Variants in SHROOM1 observed in about 807,000 individuals in gnomAD.
The protein encoded by SHROOM1 is shroom family member 1, also known as protein Shroom1.
Under a neutral mutation model 64.2 loss-of-function variants are expected in SHROOM1, and 53 were observed. The observed-to-expected ratio is 0.83, with a 90% CI of 0.66 to 1.04. SHROOM1 has a LOEUF of 1.04. Ranked by LOEUF, SHROOM1 falls within the 50% of genes least tolerant of loss-of-function variation. SHROOM1 has a pLI of 0.00. For synonymous variants in SHROOM1, 490 were observed against 518.9 expected, an observed-to-expected ratio of 0.94 and a Z score of 0.76; for missense variants, 1,179 against 1,163.2, an observed-to-expected ratio of 1.01 and a Z score of -0.20.
rs1224893293 is a variant in SHROOM1, at chr5:132,823,055, G to T, written c.2300C>A (p.Ala767Glu). 2 of 1,596,678 alleles carry T rather than the reference G, an allele frequency of 1.3e-6. No individual in the cohort carries two copies. The highest frequency in any genetic ancestry group is 8.5e-7 in the Non-Finnish European group (1 of 1,178,260). The part of the protein sequence containing the change: ...EDAKELKEHV[A>E]RRERAVREVL... ...CTCCCGCACGGCCCGCTCGCGCCGC[G>T]CTACGTGCTCCTTCAGCTCCTTGGC... is the stretch of plus-strand genomic sequence containing the variant. The change falls in exon 10 of 10, where the codon GCG (alanine) becomes GAG (glutamate). Residue 767 changes from alanine to glutamate, a missense_variant. Coordinates refer to ENST00000378679, the MANE Select transcript of SHROOM1 (RefSeq NM_001172700.2). This position sits in a 1 kb window ranked among gnomAD's most constrained non-coding sequence, Gnocchi z 4.6.
intron 5 of SHROOM1, 82 bp downstream of exon 5, chr5:132,824,936 T>C: frequency 2.5e-6 from 4 of 1,602,152 alleles, no homozygotes; most frequent in Non-Finnish European, 3.4e-6. Flanking sequence ...TGAGGGTAGG[T>C]AGGAAGCCCT....
chr5:132,830,514 G>C lies in SHROOM1; in HGVS notation c.-501+80C>G, dbSNP rs565613729. 4.3e-3 allele frequency: 4,269 copies of C among 984,280 alleles called. 23 individuals carry two copies. Among genetic ancestry groups the C allele is most frequent in the Middle Eastern group, 0.024 (45 of 1,904 alleles). The allele number at this position is 984,280 out of a possible 1,614,324, so 61.0% of individuals were successfully genotyped here. A position where few individuals can be genotyped will look rare whatever the true frequency, so the allele number is the denominator to read the frequency against. Reference sequence around the variant, plus strand: ...GCCTCGCCGCCCGCTCTTCACCCCCGTCCGCCCGCAGCCCCGCCGGCCTCC... The same window carrying C: ...GCCTCGCCGCCCGCTCTTCACCCCCCTCCGCCCGCAGCCCCGCCGGCCTCC... On this transcript the variant is annotated intron_variant, in intron 1 of 9. Transcript: ENST00000378679. This position sits in a 1 kb window ranked among gnomAD's most constrained non-coding sequence, Gnocchi z 5.9.
At chr5:132,827,854 C>T (rs1044706805) in intron 1 of SHROOM1, among the ~76,000 whole-genome samples, 2 of 152,072 alleles carry the variant, frequency 1.3e-5, no homozygotes, top group African/African-American at 2.4e-5. Flanking sequence ...ATATTAGGTA[C>T]GAACAGAGCA....
At position 132,823,151 on chromosome 5, in the gene SHROOM1, C is replaced by T. The variant is rs1471454662; in HGVS notation, c.2227-23G>A. 6 of 1,545,232 alleles carry T rather than the reference C, an allele frequency of 3.9e-6. No individual in the cohort carries two copies. In the South Asian group the frequency reaches 6.1e-5, roughly 16 times the overall value. On this transcript the variant is annotated intron_variant, in intron 9 of 9. Coordinates refer to ENST00000378679, the MANE Select transcript of SHROOM1 (RefSeq NM_001172700.2). This position sits in a 1 kb window ranked among gnomAD's most constrained non-coding sequence, Gnocchi z 4.6. ...GGCCTTGAGCCGCAGGAAGAGGCGC[C>T]GTGAGCCGGGTGAGGGCGCCGCCGC...
chr5:132,825,810 C>T lies in SHROOM1; in HGVS notation c.331G>A (p.Ala111Thr). 8.0e-7 allele frequency: 1 copy of T among 1,251,298 alleles called. No homozygotes were observed. The highest frequency in any genetic ancestry group is 1.0e-6 in the Non-Finnish European group (1 of 999,606). 77.5% of individuals were successfully genotyped at this position (1,251,298 alleles called of 1,614,324 possible). Residue 111 changes from alanine to threonine, a missense_variant, in exon 4 of 10, where the codon GCC (alanine) becomes ACC (threonine). Physicochemically the swap from Ala to Thr is moderately conservative, Grantham distance 58. Transcript: ENST00000378679. The surrounding 1 kb of genome is among the most constrained non-coding windows in gnomAD (Gnocchi z 5.1). ...GCCAGCGCGTACAGCAGCGGGGTGG[C>T]CTGCCTGTTCAGTGGTCCCGGGGTC... is the stretch of plus-strand genomic sequence containing the variant. ...PGTPGPLNRQ[A>T]TPLLYALAAE...
rs1207643765 is a variant in SHROOM1, at chr5:132,823,567, G to GCCCAGGCTCTGGGCTCCTACCCACC, written c.1953+31_1954-46dup. The GCCCAGGCTCTGGGCTCCTACCCACC allele has an allele frequency of 1.8e-5, 29 of 1,569,224 alleles. No individual in the cohort carries two copies. The highest frequency in any genetic ancestry group is 2.5e-5 in the Non-Finnish European group (29 of 1,154,352). On this transcript the variant is annotated intron_variant, in intron 8 of 9. Coordinates refer to ENST00000378679, the MANE Select transcript of SHROOM1 (RefSeq NM_001172700.2). This position sits in a 1 kb window ranked among gnomAD's most constrained non-coding sequence, Gnocchi z 4.6. Reference sequence around the variant, plus strand: ...CTGGGGCCAGGCTCATGACTTCCCTGCCCAGGCTCTGGGCTCCTACCCACC... The same window carrying GCCCAGGCTCTGGGCTCCTACCCACC: ...CTGGGGCCAGGCTCATGACTTCCCTGCCCAGGCTCTGGGCTCCTACCCACCCCCAGGCTCTGGGCTCCTACCCACC...
At chr5:132,824,589 G>C in intron 6 of SHROOM1, 26 bp downstream of exon 6, 1 of 1,596,186 alleles carries the variant, frequency 6.3e-7, no homozygotes, top group Non-Finnish European at 8.6e-7. Context: ...GGTGCCTCAC[G>C]ATGCTTGGAA....
rs371147941 is a variant in SHROOM1 at position 132,825,140 on chromosome 5, C to A, written c.978+23G>T. On this transcript the variant is annotated intron_variant, in intron 4 of 9. Coordinates refer to ENST00000378679, the MANE Select transcript of SHROOM1 (RefSeq NM_001172700.2). This position sits in a 1 kb window ranked among gnomAD's most constrained non-coding sequence, Gnocchi z 5.1. Reference sequence around the variant, plus strand: ...GTTTCCCAGATGCTCCCCTCACCAGCCTGCATCTCCTGACTTCCATACCTG... The same window carrying A: ...GTTTCCCAGATGCTCCCCTCACCAGACTGCATCTCCTGACTTCCATACCTG... 3 of 1,614,130 alleles carry A rather than the reference C, an allele frequency of 1.9e-6. No homozygotes were observed. Among genetic ancestry groups the A allele is most frequent in the Non-Finnish European group, 2.5e-6 (3 of 1,180,014 alleles).
Position 132,830,081 on chromosome 5 carries a change from C to T in SHROOM1, c.-501+513G>A, listed in dbSNP as rs1334778701. Reference sequence around the variant, plus strand: ...GCACGGGAGGGAGAGAGGCGCAGGCCCCGGCGGCCGCAGGGGGCGGCAGAG... The same window carrying T: ...GCACGGGAGGGAGAGAGGCGCAGGCTCCGGCGGCCGCAGGGGGCGGCAGAG... On this transcript the variant is annotated intron_variant, in intron 1 of 9. Transcript: ENST00000378679. The surrounding 1 kb of genome is among the most constrained non-coding windows in gnomAD (Gnocchi z 5.9). 1 of 985,206 alleles carries T rather than the reference C, an allele frequency of 1.0e-6. No individual in the cohort carries two copies. The highest frequency in any genetic ancestry group is 6.1e-5 in the Admixed American group (1 of 16,262). 61.0% of individuals were successfully genotyped at this position (985,206 alleles called of 1,614,324 possible).
rs749355459 is a variant in SHROOM1, at chr5:132,824,399, G to A, written c.1262C>T (p.Pro421Leu). 2.7e-5 allele frequency: 42 copies of A among 1,554,256 alleles called. No homozygotes were observed. The highest frequency in any genetic ancestry group is 1.9e-4 in the Admixed American group (10 of 52,100). The change falls in exon 7 of 10, where the codon CCG (proline) becomes CTG (leucine). Residue 421 changes from proline (P) to leucine (L), a missense_variant. By Grantham distance (98) the Pro-to-Leu change is moderately conservative. Coordinates refer to ENST00000378679, the MANE Select transcript of SHROOM1 (RefSeq NM_001172700.2). ...TCTTTGGCCTAAGCCAGTTCCATAC[G>A]GCTGGTCAGAGGCATGGACACTGGA... is the stretch of plus-strand genomic sequence containing the variant. ...PPASVHASDQ[P>L]YGTGLGQRTG... is the part of the protein sequence containing the mutation.
At position 132,822,612 on chromosome 5, in the gene SHROOM1, C is replaced by T; in HGVS notation, c.*184G>A. The T allele has an allele frequency of 1.6e-6, 1 of 624,708 alleles. No homozygotes were observed. Among genetic ancestry groups the T allele is most frequent in the Non-Finnish European group, 2.7e-6 (1 of 367,156 alleles). 38.7% of individuals were successfully genotyped at this position (624,708 alleles called of 1,614,324 possible). A position where few individuals can be genotyped will look rare whatever the true frequency, so the allele number is the denominator to read the frequency against. ...TCTCCTGACCTTGTGATCCGCCCGC[C>T]TCGGCCTCCCAAAGTGCTGGGATTA... On this transcript the variant is annotated 3_prime_UTR_variant, in exon 10 of 10. Transcript: ENST00000378679.
In SHROOM1 at chr5:132,822,672, T is replaced by A; in HGVS notation, c.*124A>T. 2.5e-6 allele frequency: 3 copies of A among 1,192,032 alleles called. No homozygotes were observed. Among genetic ancestry groups the A allele is most frequent in the Non-Finnish European group, 3.5e-6 (3 of 866,394 alleles). 73.8% of individuals were successfully genotyped at this position (1,192,032 alleles called of 1,614,324 possible). A position where few individuals can be genotyped will look rare whatever the true frequency, so the allele number is the denominator to read the frequency against. On this transcript the variant is annotated 3_prime_UTR_variant, in exon 10 of 10. Coordinates refer to ENST00000378679, the MANE Select transcript of SHROOM1 (RefSeq NM_001172700.2). ...GCCACCGCGCCCGGCTGGAGGAGTA[T>A]CTTAGAAAGGCCTGGACTGGGTCCT...
chr5:132,825,359 T>C lies in SHROOM1; in HGVS notation c.782A>G (p.Gln261Arg), dbSNP rs754352150. Residue 261 changes from glutamine to arginine, a missense_variant, in exon 4 of 10, where the codon CAG (glutamine) becomes CGG (arginine). Transcript: ENST00000378679. The surrounding 1 kb of genome is among the most constrained non-coding windows in gnomAD (Gnocchi z 5.1). ...TTCAAACTTAGCCAGCGCCGGATGCTGGAACTCCAAGGGCTCGGGCCCAGG... is the reference window on the plus strand; with the variant it reads ...TTCAAACTTAGCCAGCGCCGGATGCCGGAACTCCAAGGGCTCGGGCCCAGG... Reference protein sequence around the residue: ...GLPGPEPLEFQHPALAKFEDH... With the variant: ...GLPGPEPLEFRHPALAKFEDH... 2 of 1,600,282 alleles carry C rather than the reference T, an allele frequency of 1.2e-6. No homozygotes were observed. The highest frequency in any genetic ancestry group is 4.5e-5 in the East Asian group (2 of 44,764).
chr5:132,823,716 C>T lies in SHROOM1; in HGVS notation c.1860G>A (p.Glu620=). 1 of 1,611,098 alleles carries T rather than the reference C, an allele frequency of 6.2e-7. No individual in the cohort carries two copies. Among genetic ancestry groups the T allele is most frequent in the Non-Finnish European group, 8.5e-7 (1 of 1,178,714 alleles). ...GGGTGGCAGGGTTTTCAAGCCTTGT[C>T]TCCTCCCGAGGAGCCGGCAGGAGCT... ...FTQLLPAPRE[E]TRLENPATHP... is the part of the protein sequence containing the mutation. The change falls in exon 8 of 10, where the codon GAG becomes GAA. Residue 620 remains glutamate, a synonymous_variant. Transcript: ENST00000378679. This position sits in a 1 kb window ranked among gnomAD's most constrained non-coding sequence, Gnocchi z 4.6.
At chr5:132,829,734 C>G in intron 1 of SHROOM1, 1 of 985,436 alleles carries the variant, frequency 1.0e-6, no homozygotes, top group Non-Finnish European at 1.2e-6. Flanking sequence ...TTCCTGGGTA[C>G]TGGACCACGT....
chr5:132,825,457 C>G lies in SHROOM1; in HGVS notation c.684G>C (p.Lys228Asn). 1.3e-6 allele frequency: 2 copies of G among 1,576,768 alleles called. No homozygotes were observed. Among genetic ancestry groups the G allele is most frequent in the Non-Finnish European group, 1.7e-6 (2 of 1,166,342 alleles). ...QRKWCFSEPGKLDRVGRGGGP... is the reference protein window; with the variant it reads ...QRKWCFSEPGNLDRVGRGGGP... Reference sequence around the variant, plus strand: ...CACCGCCCCGACCCACACGATCCAGCTTTCCTGGCTCTGAGAAGCACCACT... The same window carrying G: ...CACCGCCCCGACCCACACGATCCAGGTTTCCTGGCTCTGAGAAGCACCACT... The change falls in exon 4 of 10, where the codon AAG (lysine) becomes AAC (asparagine). Residue 228 changes from lysine (K) to asparagine (N), a missense_variant. By Grantham distance (94) the Lys-to-Asn change is moderately conservative. Transcript: ENST00000378679. This position sits in a 1 kb window ranked among gnomAD's most constrained non-coding sequence, Gnocchi z 5.1.
Position 132,823,239 on chromosome 5 carries a change from A to AC in SHROOM1, c.2226+10dup. 1.9e-6 allele frequency: 3 copies of AC among 1,587,662 alleles called. No homozygotes were observed. The Middle Eastern group carries it at 5.0e-4, about 265-fold the overall frequency. ...ACCGCCCTACTCGCTTGCAACCTGAACCCCTTTTACCTGCTCATCAGGGTC... is the reference window on the plus strand; with the variant it reads ...ACCGCCCTACTCGCTTGCAACCTGAACCCCCTTTTACCTGCTCATCAGGGTC... On this transcript the variant is annotated intron_variant, in intron 9 of 9. Transcript: ENST00000378679. The surrounding 1 kb of genome is among the most constrained non-coding windows in gnomAD (Gnocchi z 4.6).
rs1758617909 is a variant in SHROOM1 at position 132,825,101 on chromosome 5, G to A, written c.979-28C>T. The A allele has an allele frequency of 1.2e-6, 2 of 1,614,120 alleles. No homozygotes were observed. The highest frequency in any genetic ancestry group is 1.7e-5 in the Admixed American group (1 of 60,026). Reference sequence around the variant, plus strand: ...GGAAGGGTGAACAGTCGACTGAAATGTGGCTCAAGTTTTGTTTCCCAGATG... The same window carrying A: ...GGAAGGGTGAACAGTCGACTGAAATATGGCTCAAGTTTTGTTTCCCAGATG... On this transcript the variant is annotated intron_variant, in intron 4 of 9. Transcript: ENST00000378679. The surrounding 1 kb of genome is among the most constrained non-coding windows in gnomAD (Gnocchi z 5.1).
Position 132,823,586 on chromosome 5 carries a change from A to G in SHROOM1, c.1953+37T>C. ...TTCCCTGCCCAGGCTCTGGGCTCCT[A>G]CCCACCCCCAGCCTCCACCAGCCCT... On this transcript the variant is annotated intron_variant, in intron 8 of 9. Coordinates refer to ENST00000378679, the MANE Select transcript of SHROOM1 (RefSeq NM_001172700.2). The surrounding 1 kb of genome is among the most constrained non-coding windows in gnomAD (Gnocchi z 4.6). 1 of 1,566,680 alleles carries G rather than the reference A, an allele frequency of 6.4e-7. No homozygotes were observed. Among genetic ancestry groups the G allele is most frequent in the East Asian group, 2.3e-5 (1 of 44,148 alleles).
Sources: gnomAD v4.1 joint callset for allele counts (sites outside exome capture counted in the v4.1 genomes callset) on GRCh38, gnomAD v4.1.1 for gene constraint, Gnocchi (gnomAD v3.1) non-coding constraint, MANE v1.5 for transcripts, NCBI Gene and HGNC (gene_info 2026-07-23, HGNC 2026-07-21) for gene names.